The following LTBP1 variants were observed in gnomAD, a reference collection of about 807,000 sequenced individuals.
LTBP1 encodes latent transforming growth factor beta binding protein 1.
A neutral mutation model predicts 207.6 loss-of-function variants in LTBP1; 129 were observed. The ratio of observed to expected loss-of-function variants is 0.62; its 90% CI spans 0.54 to 0.72. The LOEUF is 0.72. Among genes scored for constraint, LTBP1 ranks in the 30% least tolerant of loss-of-function variants. The probability of loss-of-function intolerance (pLI) is 0.00; values close to 1 mark genes in which losing one functional copy is unlikely to be tolerated. For synonymous variants in LTBP1, 963 were observed against 833.7 expected (o/e 1.16, Z -2.67); for missense variants, 2,281 against 2,217.2 (o/e 1.03, Z -0.58).
chr2:33,315,006 T>A, intron 23 of LTBP1, 138 bp from the exon 24 acceptor site: 1 of 680,854 alleles, frequency 1.5e-6, no homozygotes, highest in Non-Finnish European at 2.4e-6. Context: ...TGTGGTTGAT[T>A]TATGGACAAA....
Position 33,001,732 on chromosome 2 carries a change from T to C in LTBP1, c.566-19177T>C, listed in dbSNP as rs1404131286. ...TATGGTCCCCGTGCTGCTCATCGTA[T>C]AGGCCCTGCCAGAATGGTTGGCAAT... On this transcript the variant is annotated intron_variant, in intron 2 of 33. Transcript: ENST00000404816. Among the ~76,000 whole-genome samples, 3 of 134,970 alleles carry C rather than the reference T, an allele frequency of 2.2e-5. 1 individual carries two copies. In the Admixed American group the frequency reaches 2.3e-4, roughly 10 times the overall value. 88.5% of individuals were successfully genotyped at this position (134,970 alleles called of 152,430 possible).
chr2:33,302,697 C>T (rs1407776002), intron 22 of LTBP1, among the ~76,000 whole-genome samples: 1 of 152,026 alleles, frequency 6.6e-6, no homozygotes, highest in Non-Finnish European at 1.5e-5. Flanking sequence ...AGTAAATCAA[C>T]TTCTAAGATT....
At chr2:33,050,020 T>C (rs1207573081) in intron 3 of LTBP1, among the ~76,000 whole-genome samples, 3 of 152,088 alleles carry the variant, frequency 2.0e-5, no homozygotes, top group African/African-American at 7.2e-5. Context: ...TTTTACAAAT[T>C]TTGTGTAGAG....
chr2:33,175,964 A>T (rs2086000110), intron 5 of LTBP1, among the ~76,000 whole-genome samples: 1 of 107,220 alleles, frequency 9.3e-6, no homozygotes, highest in Non-Finnish European at 1.9e-5. Context: ...GTGAGAACCC[A>T]TGGACACAGG....
intron 3 of LTBP1, among the ~76,000 whole-genome samples, chr2:33,090,177 C>G (rs1183009702): frequency 7.8e-6 from 1 of 128,940 alleles, no homozygotes; most frequent in Admixed American, 7.4e-5. Flanking sequence ...TTCATTTGCT[C>G]TGTCTTTCAG....
chr2:33,113,955 C>T (rs1415382102), intron 4 of LTBP1, among the ~76,000 whole-genome samples: 1 of 152,216 alleles, frequency 6.6e-6, no homozygotes, highest in Non-Finnish European at 1.5e-5. Context: ...ATTCTCCTGC[C>T]TCAGCCTTCT....
At chr2:33,374,610 G>A (rs2095113781) in intron 31 of LTBP1, among the ~76,000 whole-genome samples, 1 of 152,168 alleles carries the variant, frequency 6.6e-6, no homozygotes, top group South Asian at 2.1e-4. Flanking sequence ...GAACTAGATT[G>A]AATGGATGTT....
intron 3 of LTBP1, among the ~76,000 whole-genome samples, chr2:33,106,608 C>CTTTTTTTT (rs1267105433): frequency 6.6e-6 from 1 of 151,426 alleles, no homozygotes; most frequent in Non-Finnish European, 1.5e-5. Context: ...GAAAGGAAAT[C>CTTTTTTTT]TTTTTCTTTT....
At chr2:33,211,886 G>A (rs2090340289) in intron 7 of LTBP1, among the ~76,000 whole-genome samples, 1 of 152,168 alleles carries the variant, frequency 6.6e-6, no homozygotes, top group South Asian at 2.1e-4. Flanking sequence ...ATAGGCAGAT[G>A]TAAAAGTGTC....
chr2:33,050,738 T>TC (rs200025304), intron 3 of LTBP1, among the ~76,000 whole-genome samples: 4 of 116,572 alleles, frequency 3.4e-5, no homozygotes, highest in East Asian at 7.3e-4. Context: ...TGAAACTCTC[T>TC]TTTTTTTTTT....
intron 3 of LTBP1, among the ~76,000 whole-genome samples, chr2:33,076,913 G>A (rs1300379994): frequency 6.6e-6 from 1 of 152,154 alleles, no homozygotes; most frequent in African/African-American, 2.4e-5. Context: ...GAGGGCATCT[G>A]TTCAGTGAGG....
In LTBP1 at chr2:32,966,530, T is replaced by G. The variant is rs531884982; in HGVS notation, c.565+17585T>G. Among the ~76,000 whole-genome samples, 3 of 152,322 alleles carry G rather than the reference T, an allele frequency of 2.0e-5. No individual in the cohort carries two copies. In the East Asian group the frequency reaches 5.8e-4, roughly 29 times the overall value. Reference sequence around the variant, plus strand: ...TTAGCTGTATGTTTTTTATAGATGTTCTTTGTCAAGTTAGGGAAATTCCCT... The same window carrying G: ...TTAGCTGTATGTTTTTTATAGATGTGCTTTGTCAAGTTAGGGAAATTCCCT... On this transcript the variant is annotated intron_variant, in intron 2 of 33. Coordinates refer to ENST00000404816, the MANE Select transcript of LTBP1 (RefSeq NM_206943.4).
chr2:33,267,923 A>T (rs1229589957), intron 15 of LTBP1, among the ~76,000 whole-genome samples: 2 of 152,238 alleles, frequency 1.3e-5, no homozygotes, highest in Non-Finnish European at 2.9e-5. Context: ...TTAGAGGCTT[A>T]ATTTGAGTTT....
chr2:33,319,366 C>G (rs1481525581), intron 24 of LTBP1, among the ~76,000 whole-genome samples: 2 of 151,978 alleles, frequency 1.3e-5, no homozygotes, highest in Non-Finnish European at 2.9e-5. Flanking sequence ...CCATTGCACT[C>G]CAGCCTGGGC....
chr2:33,080,088 A>G (rs1295523626), intron 3 of LTBP1, among the ~76,000 whole-genome samples: 1 of 151,860 alleles, frequency 6.6e-6, no homozygotes, highest in Non-Finnish European at 1.5e-5. Flanking sequence ...GTGCAGTGGT[A>G]TGATCTCGGC....
intron 2 of LTBP1, among the ~76,000 whole-genome samples, chr2:33,019,013 G>C (rs768292152): frequency 6.6e-6 from 1 of 152,232 alleles, no homozygotes; most frequent in South Asian, 2.1e-4. Flanking sequence ...AAATTATTTT[G>C]TCTCTTTTAT....
intron 12 of LTBP1, among the ~76,000 whole-genome samples, chr2:33,259,047 G>A (rs539979101): frequency 6.6e-6 from 1 of 152,026 alleles, no homozygotes; most frequent in South Asian, 2.1e-4. Flanking sequence ...ATTCTTTTTC[G>A]TAATTTAGTT....
intron 10 of LTBP1, among the ~76,000 whole-genome samples, chr2:33,251,917 A>G (rs1461853919): frequency 3.9e-5 from 6 of 152,070 alleles, no homozygotes; most frequent in African/African-American, 7.2e-5. Flanking sequence ...TGATTTTCAT[A>G]TTTGCCATGT....
chr2:33,014,140 A>G (rs540998186), intron 2 of LTBP1, among the ~76,000 whole-genome samples: 3 of 152,326 alleles, frequency 2.0e-5, no homozygotes, highest in African/African-American at 7.2e-5. Flanking sequence ...AAAGACCTGT[A>G]AAGATTTATT....
Sources: gnomAD v4.1 joint callset for allele counts (sites outside exome capture counted in the v4.1 genomes callset) on GRCh38, gnomAD v4.1.1 for gene constraint, MANE v1.5 for transcripts, NCBI Gene and HGNC (gene_info 2026-07-23, HGNC 2026-07-21) for gene names.